The following TTF1 variants were observed in gnomAD, a reference collection of about 807,000 sequenced individuals.
The protein encoded by TTF1 is transcription termination factor, RNA polymerase I.
Under a neutral mutation model 80.2 loss-of-function variants are expected in TTF1, and 64 were observed. That is an observed-to-expected ratio of 0.80 (90% CI 0.65 to 0.98). The LOEUF (loss-of-function observed/expected upper bound fraction) is 0.98, where lower values mean the gene tolerates loss of function less well. TTF1 is among the 50% of genes least tolerant of loss of function. The probability of loss-of-function intolerance (pLI) is 0.00; values close to 1 mark genes in which losing one functional copy is unlikely to be tolerated. For synonymous variants in TTF1, 372 were observed against 382.7 expected, an observed-to-expected ratio of 0.97 and a Z score of 0.33; for missense variants, 1,023 against 1,086.2, an observed-to-expected ratio of 0.94 and a Z score of 0.82.
At chr9:132,378,001 GTGC>G (rs1564181691) in intron 10 of TTF1, among the ~76,000 whole-genome samples, 1 of 98,536 alleles carries the variant, frequency 1.0e-5, no homozygotes. Context: ...AGTGCATGTG[GTGC>G]GTGTGAATGC....
In TTF1 at chr9:132,386,580, C is replaced by A; in HGVS notation, c.2354G>T (p.Trp785Leu). The change falls in exon 9 of 11, where the codon TGG (tryptophan) becomes TTG (leucine). Residue 785 changes from tryptophan to leucine, a missense_variant. Physicochemically the swap from Trp to Leu is moderately conservative, Grantham distance 61. Transcript: ENST00000334270. ...INVEDTNEID[W>L]EDLASAIGDV... ...CCCTATGGCACTAGCAAGATCTTCC[C>A]AGTCTATTTCATTAGTATCTTCCAC... 1 of 1,612,648 alleles carries A rather than the reference C, an allele frequency of 6.2e-7. No individual in the cohort carries two copies. Among genetic ancestry groups the A allele is most frequent in the Non-Finnish European group, 8.5e-7 (1 of 1,178,828 alleles).
intron 1 of TTF1, among the ~76,000 whole-genome samples, chr9:132,405,648 G>C (rs1343999065): frequency 6.6e-6 from 1 of 152,112 alleles, no homozygotes; most frequent in African/African-American, 2.4e-5. Flanking sequence ...AACTTTTTAG[G>C]GTTCCCCTGT....
In TTF1 at chr9:132,377,395, G is replaced by A. The variant is rs552278871; in HGVS notation, c.2465-1227C>T. Among the ~76,000 whole-genome samples, 146 of 138,376 alleles carry A rather than the reference G, an allele frequency of 1.1e-3. 2 individuals carry two copies. The highest frequency in any genetic ancestry group is 3.8e-3 in the African/African-American group (132 of 34,640). The allele number at this position is 138,376 out of a possible 152,430, so 90.8% of individuals were successfully genotyped here. A position where few individuals can be genotyped will look rare whatever the true frequency, so the allele number is the denominator to read the frequency against. On this transcript the variant is annotated intron_variant, in intron 10 of 10. Coordinates refer to ENST00000334270, the MANE Select transcript of TTF1 (RefSeq NM_007344.4). Reference sequence around the variant, plus strand: ...TGTGGTGTGTGTGAGTGCATGTGGTGTGAGTGCATGTGGTGTGTGTGAGTG... The same window carrying A: ...TGTGGTGTGTGTGAGTGCATGTGGTATGAGTGCATGTGGTGTGTGTGAGTG...
At chr9:132,377,787 ATGTGGTGTGTG>A (rs1849247449) in intron 10 of TTF1, among the ~76,000 whole-genome samples, 1 of 95,358 alleles carries the variant, frequency 1.0e-5, no homozygotes, top group Non-Finnish European at 2.0e-5. Context: ...GTGTGAGTGC[ATGTGGTGTGTG>A]TGCATGTGGT....
At chr9:132,400,445 C>T (rs1016659055) in intron 2 of TTF1, among the ~76,000 whole-genome samples, 187 bp from the exon 3 acceptor site, 1 of 152,188 alleles carries the variant, frequency 6.6e-6, no homozygotes, top group Non-Finnish European at 1.5e-5. Flanking sequence ...GCCTCAGCCT[C>T]CAGAGTAGCT....
At chr9:132,387,045 C>T (rs1464797457) in intron 8 of TTF1, among the ~76,000 whole-genome samples, 1 of 152,160 alleles carries the variant, frequency 6.6e-6, no homozygotes, top group African/African-American at 2.4e-5. Flanking sequence ...GCAGCCTCGA[C>T]CACCTGGACT....
At chr9:132,399,313 G>A (rs1380254644) in intron 3 of TTF1, among the ~76,000 whole-genome samples, 1 of 151,712 alleles carries the variant, frequency 6.6e-6, no homozygotes, top group Non-Finnish European at 1.5e-5. Context: ...GTGTGTACGT[G>A]GGTAGTGCTG....
rs776077995 is a variant in TTF1 at position 132,376,160 on chromosome 9, C to T, written c.2473G>A (p.Asp825Asn). The T allele has an allele frequency of 3.7e-6, 6 of 1,611,688 alleles. No homozygotes were observed. Among genetic ancestry groups the T allele is most frequent in the South Asian group, 3.3e-5 (3 of 90,898 alleles). The change falls in exon 11 of 11, where the codon GAC becomes AAC. Residue 825 changes from aspartate (D) to asparagine (N), a missense_variant. Transcript: ENST00000334270. ...GGTAGAGTCGTCTCATAAAGGTAGT[C>T]GATGATCTCTACAGAAAAGAAATTT... Reference protein sequence around the residue: ...WQKKTFPEIIDYLYETTLPLL... With the variant: ...WQKKTFPEIINYLYETTLPLL...
At chr9:132,403,474 C>G (rs1263904153) in intron 1 of TTF1, among the ~76,000 whole-genome samples, 2 of 152,014 alleles carry the variant, frequency 1.3e-5, no homozygotes, top group South Asian at 2.1e-4. Flanking sequence ...CTTTCCCCCC[C>G]AGCTCTCCAT....
chr9:132,378,339 TGTG>T (rs1488306571), intron 10 of TTF1, among the ~76,000 whole-genome samples: 23 of 123,990 alleles, frequency 1.9e-4, no homozygotes, highest in African/African-American at 4.7e-4. Context: ...TGTGAATTCA[TGTG>T]GTGTGAGTGC....
chr9:132,389,331 C>T lies in TTF1; in HGVS notation c.2223-1103G>A, dbSNP rs376849825. On this transcript the variant is annotated intron_variant, in intron 7 of 10. Transcript: ENST00000334270. ...CCGAGTAGCTGGGATTACAGATGCC[C>T]GCCATCCCGCCGGCTAATTTTTTGT... Among the ~76,000 whole-genome samples, 127 of 151,598 alleles carry T rather than the reference C, an allele frequency of 8.4e-4. 1 individual carries two copies. The South Asian group carries it at 0.01, about 12-fold the overall frequency.
Position 132,390,778 on chromosome 9 carries a change from C to G in TTF1, c.2041G>C (p.Val681Leu). 1 of 1,614,204 alleles carries G rather than the reference C, an allele frequency of 6.2e-7. No homozygotes were observed. The highest frequency in any genetic ancestry group is 8.5e-7 in the Non-Finnish European group (1 of 1,180,038). The change falls in exon 7 of 11, where the codon GTC becomes CTC. Residue 681 changes from valine to leucine, a missense_variant. Val to Leu is a conservative substitution (Grantham distance 32, BLOSUM62 1). Coordinates refer to ENST00000334270, the MANE Select transcript of TTF1 (RefSeq NM_007344.4). ...KSETRKLIKAVEEVILKKMSP... is the reference protein window; with the variant it reads ...KSETRKLIKALEEVILKKMSP... Reference sequence around the variant, plus strand: ...ATCTTCTTCAGAATCACTTCTTCGACAGCCTTGATTAGTTTCCGGGTTTCA... The same window carrying G: ...ATCTTCTTCAGAATCACTTCTTCGAGAGCCTTGATTAGTTTCCGGGTTTCA...
chr9:132,403,807 G>A (rs1189819662), intron 1 of TTF1, among the ~76,000 whole-genome samples: 1 of 152,140 alleles, frequency 6.6e-6, no homozygotes, highest in Admixed American at 6.5e-5. Context: ...TTCGCAGTGG[G>A]GATATCAGGT....
At chr9:132,378,511 T>C (rs1404473993) in intron 10 of TTF1, among the ~76,000 whole-genome samples, 5 of 139,724 alleles carry the variant, frequency 3.6e-5, no homozygotes, top group African/African-American at 1.4e-4. Context: ...TGTGAGTGCA[T>C]GTGGTGGGTG....
chr9:132,378,673 ATGCATGTGGTGTGTGTGAG>A (rs1350600137), intron 10 of TTF1, among the ~76,000 whole-genome samples: 4 of 72,500 alleles, frequency 5.5e-5, no homozygotes, highest in African/African-American at 2.5e-4. Flanking sequence ...GTGTGAGTGC[ATGCATGTGGTGTGTGTGAG>A]TGCATGTGGT....
At chr9:132,396,545 A>C in intron 4 of TTF1, 34 bp from the exon 5 acceptor site, 1 of 1,593,138 alleles carries the variant, frequency 6.3e-7, no homozygotes, top group Non-Finnish European at 8.6e-7. Context: ...AGAGGGACTC[A>C]CATGAAATGA....
Position 132,386,606 on chromosome 9 carries a change from A to G in TTF1, c.2328T>C (p.Asn776=), listed in dbSNP as rs963695751. 1.2e-6 allele frequency: 2 copies of G among 1,612,340 alleles called. No homozygotes were observed. Among genetic ancestry groups the G allele is most frequent in the Admixed American group, 1.7e-5 (1 of 59,946 alleles). ...VSLIERLYEI[N]VEDTNEIDWE... is the part of the protein sequence containing the mutation. ...AGTCTATTTCATTAGTATCTTCCAC[A>G]TTTATTTCATACAACCTGTGAGAAA... The change falls in exon 9 of 11, where the codon AAT becomes AAC. Residue 776 remains asparagine (N), a synonymous_variant. Coordinates refer to ENST00000334270, the MANE Select transcript of TTF1 (RefSeq NM_007344.4).
rs986159364 is a variant in TTF1 at position 132,384,427 on chromosome 9, C to T, written c.2378+2129G>A. On this transcript the variant is annotated intron_variant, in intron 9 of 10. Coordinates refer to ENST00000334270, the MANE Select transcript of TTF1 (RefSeq NM_007344.4). The surrounding 1 kb of genome is among the most constrained non-coding windows in gnomAD (Gnocchi z 4.1). ...GAATAATCACAAGATAGGGTCAACG[C>T]AATCAAAGCTGGTGCTTTGAAAAGA... 3.2e-4 allele frequency among the ~76,000 whole-genome samples: 48 copies of T among 152,108 alleles called. No individual in the cohort carries two copies. Among genetic ancestry groups the T allele is most frequent in the African/African-American group, 1.2e-3 (48 of 41,410 alleles).
chr9:132,389,205 C>T (rs570129441), intron 7 of TTF1, among the ~76,000 whole-genome samples: 11 of 135,140 alleles, frequency 8.1e-5, no homozygotes, highest in Admixed American at 1.6e-4. Flanking sequence ...TTTTTTGAGA[C>T]GGAGTCTGGC....
Sources: allele counts gnomAD v4.1 joint callset (sites outside exome capture counted in the v4.1 genomes callset), GRCh38; gene constraint gnomAD v4.1.1; non-coding constraint Gnocchi (gnomAD v3.1); transcripts MANE v1.5; gene names NCBI Gene and HGNC (gene_info 2026-07-23, HGNC 2026-07-21).